RGS12: variants seen among roughly 807,000 people sequenced by gnomAD.
RGS12 encodes regulator of G protein signaling 12.
Under a neutral mutation model 120.1 loss-of-function variants are expected in RGS12, and 66 were observed. The observed-to-expected ratio is 0.55, with a 90% CI of 0.45 to 0.67. RGS12 has a LOEUF of 0.67. RGS12 is among the 30% of genes least tolerant of loss of function. The pLI is 0.00. For missense variants in RGS12, 1,859 were observed against 1,957.7 expected, an observed-to-expected ratio of 0.95 and a Z score of 0.95; for synonymous variants, 827 against 804.7, an observed-to-expected ratio of 1.03 and a Z score of -0.47.
At chr4:3,404,296 C>T (rs1382489088) in intron 4 of RGS12, among the ~76,000 whole-genome samples, 1 of 152,216 alleles carries the variant, frequency 6.6e-6, no homozygotes, top group East Asian at 1.9e-4. Context: ...AGGCACAAGT[C>T]TCCACATGGG....
At chr4:3,431,221 G>C in intron 17 of RGS12, 1 of 1,339,618 alleles carries the variant, frequency 7.5e-7, no homozygotes. Context: ...GGAATGATAC[G>C]TGGCAGTGCC....
upstream of RGS12, among the ~76,000 whole-genome samples, chr4:3,291,503 C>T (rs1226445770): frequency 6.6e-6 from 1 of 152,182 alleles, no homozygotes; most frequent in South Asian, 2.1e-4. Flanking sequence ...CGTGCCACCA[C>T]GCTTGGCTAA....
chr4:3,394,291 T>C (rs1451454375), intron 4 of RGS12, among the ~76,000 whole-genome samples: 1 of 152,160 alleles, frequency 6.6e-6, no homozygotes, highest in Non-Finnish European at 1.5e-5. Flanking sequence ...GTCTCTCAAG[T>C]AGCTGGTATT....
intron 1 of RGS12, among the ~76,000 whole-genome samples, chr4:3,315,529 T>C (rs1724681838): frequency 1.3e-5 from 2 of 152,210 alleles, no homozygotes; most frequent in African/African-American, 4.8e-5. Flanking sequence ...TCATGGAATA[T>C]TAGGTGACCC....
At chr4:3,412,645 A>G (rs1370558446) in intron 4 of RGS12, among the ~76,000 whole-genome samples, 1 of 152,254 alleles carries the variant, frequency 6.6e-6, no homozygotes, top group Admixed American at 6.5e-5. Context: ...GTATTTTATT[A>G]TGCTGCTGAG....
At position 3,414,171 on chromosome 4, in the gene RGS12, G is replaced by T; in HGVS notation, c.2120G>T (p.Arg707Met). The change falls in exon 5 of 18, where the codon AGG (arginine) becomes ATG (methionine). Residue 707 changes from arginine (R) to methionine (M), a missense_variant. Around this residue, in one of 3 missense-constraint regions of RGS12, gnomAD observed 967 missense variants for 994.2 expected, o/e 0.97. Transcript: ENST00000336727. ...SVQSCRRLRE[R>M]RVASWAVSFE... ...CAGAGCTGCCGGCGCCTGCGTGAGA[G>T]GAGGGTCGCCAGCTGGGCCGTGTCC... 6.4e-7 allele frequency: 1 copy of T among 1,555,522 alleles called. No homozygotes were observed. The highest frequency in any genetic ancestry group is 8.7e-7 in the Non-Finnish European group (1 of 1,155,066).
At chr4:3,289,681 T>C (rs556144149), upstream of RGS12, among the ~76,000 whole-genome samples, 9 of 152,330 alleles carry the variant, frequency 5.9e-5, 1 homozygote, top group East Asian at 1.7e-3. Context: ...GATGAGTACA[T>C]TTAAAATCTA....
chr4:3,417,515 A>T lies in RGS12; in HGVS notation c.2735A>T (p.Lys912Met). 4 of 1,613,138 alleles carry T rather than the reference A, an allele frequency of 2.5e-6. No homozygotes were observed. Among genetic ancestry groups the T allele is most frequent in the Non-Finnish European group, 3.4e-6 (4 of 1,179,940 alleles). ...AGGAGCACCGGGAGGTCCCAGAAAA[A>T]GAGGGAGCACGGGGACCACGCAGAC... is the stretch of plus-strand genomic sequence containing the variant. ...RTRSTGRSQK[K>M]REHGDHADDA... Residue 912 changes from lysine (K) to methionine (M), a missense_variant, in exon 9 of 18, where the codon AAG (lysine) becomes ATG (methionine). Physicochemically the swap from Lys to Met is moderately conservative, Grantham distance 95. Coordinates refer to ENST00000336727, the MANE Select transcript of RGS12 (RefSeq NM_001394154.1).
intron 6 of RGS12, 64 bp downstream of exon 6, chr4:3,414,908 G>A (rs1023246776): frequency 4.3e-5 from 54 of 1,246,494 alleles, no homozygotes; most frequent in Admixed American, 3.4e-4. Flanking sequence ...CGCATGTGAG[G>A]GGTGTGTGAG....
At chr4:3,354,836 C>T (rs78626346) in intron 3 of RGS12, among the ~76,000 whole-genome samples, 4,892 of 152,054 alleles carry the variant, frequency 0.032, 243 homozygotes, top group African/African-American at 0.11. Context: ...AGTTGTAGAA[C>T]AGAATTACAG....
intron 17 of RGS12, among the ~76,000 whole-genome samples, chr4:3,437,354 C>G (rs1724910375): frequency 6.6e-6 from 1 of 152,194 alleles, no homozygotes; most frequent in South Asian, 2.1e-4. Flanking sequence ...TCCCATCTGT[C>G]CATGTGGGGC....
At position 3,317,904 on chromosome 4, in the gene RGS12, G is replaced by A. The variant is rs1423095270; in HGVS notation, c.1734G>A (p.Lys578=). The A allele has an allele frequency of 1.2e-6, 2 of 1,614,100 alleles. No individual in the cohort carries two copies. The highest frequency in any genetic ancestry group is 1.7e-5 in the Admixed American group (1 of 60,032). ...NCGTLPPPMS[K]IPADRYRVEG... ...GCACACTGCCCCCTCCTATGAGCAA[G>A]ATCCCCGCAGACCGCTACAGGGTGG... Residue 578 remains lysine, a synonymous_variant, in exon 2 of 18, where the codon AAG becomes AAA. Coordinates refer to ENST00000336727, the MANE Select transcript of RGS12 (RefSeq NM_001394154.1).
At chr4:3,320,810 G>A (rs947667857) in intron 2 of RGS12, among the ~76,000 whole-genome samples, 1 of 152,186 alleles carries the variant, frequency 6.6e-6, no homozygotes, top group Admixed American at 6.5e-5. Flanking sequence ...CGTCGCCGTG[G>A]ACAGGTCTGC....
intron 3 of RGS12, among the ~76,000 whole-genome samples, chr4:3,376,755 AG>A (rs1460458313): frequency 6.6e-6 from 1 of 152,230 alleles, no homozygotes; most frequent in African/African-American, 2.4e-5. Context: ...CTAGTGGAGC[AG>A]AGAGCACCCC....
intron 4 of RGS12, among the ~76,000 whole-genome samples, chr4:3,412,367 G>T (rs1033980185): frequency 1.3e-5 from 2 of 152,248 alleles, no homozygotes; most frequent in African/African-American, 4.8e-5. Flanking sequence ...CACGTCTGCA[G>T]ACTGGGCTGA....
chr4:3,344,859 C>G (rs1009424362), intron 3 of RGS12, among the ~76,000 whole-genome samples: 1 of 152,220 alleles, frequency 6.6e-6, no homozygotes, highest in Non-Finnish European at 1.5e-5. Flanking sequence ...GCTGCCTGTC[C>G]TTTTCTGTGT....
chr4:3,369,083 G>A (rs1311201427), intron 3 of RGS12, among the ~76,000 whole-genome samples: 1 of 152,162 alleles, frequency 6.6e-6, no homozygotes, highest in East Asian at 1.9e-4. Flanking sequence ...AGAAGTGGAG[G>A]TGGCACCCCT....
At chr4:3,410,457 G>A (rs1351002395) in intron 4 of RGS12, among the ~76,000 whole-genome samples, 1 of 147,164 alleles carries the variant, frequency 6.8e-6, no homozygotes. Context: ...GGTGCAGGGC[G>A]TGCCATTGTG....
chr4:3,325,426 G>A (rs898299482), intron 2 of RGS12, among the ~76,000 whole-genome samples: 33 of 152,134 alleles, frequency 2.2e-4, no homozygotes, highest in African/African-American at 7.7e-4. Context: ...TAGGTCATGA[G>A]GACTCAGCCC....
Sources: gnomAD v4.1 joint callset for allele counts (sites outside exome capture counted in the v4.1 genomes callset) on GRCh38, gnomAD v4.1.1 for gene constraint, gnomAD v4.1.1 regional missense constraint, MANE v1.5 for transcripts, NCBI Gene and HGNC (gene_info 2026-07-23, HGNC 2026-07-21) for gene names.